The following UTS2B variants were observed in gnomAD, a reference collection of about 807,000 sequenced individuals.
The protein encoded by UTS2B is urotensin-2B.
Under a neutral mutation model 19.2 loss-of-function variants are expected in UTS2B, and 21 were observed. The ratio of observed to expected loss-of-function variants is 1.09; its 90% CI spans 0.78 to 1.58. UTS2B has a LOEUF of 1.58. Ranked by LOEUF, UTS2B falls within the 40% of genes most tolerant of loss-of-function variation. UTS2B has a pLI of 0.00. For missense variants in UTS2B, 138 were observed against 130.3 expected, an observed-to-expected ratio of 1.06 and a Z score of -0.29; for synonymous variants, 57 against 50.2, an observed-to-expected ratio of 1.14 and a Z score of -0.58.
intron 2 of UTS2B, among the ~76,000 whole-genome samples, chr3:191,324,614 G>T (rs1222710722): frequency 6.6e-6 from 1 of 152,162 alleles, no homozygotes; most frequent in East Asian, 1.9e-4. Context: ...CTCCTCATTT[G>T]CCTTCTGCCA....
At chr3:191,276,372 T>C (rs1716236407) in intron 7 of UTS2B, among the ~76,000 whole-genome samples, 1 of 152,190 alleles carries the variant, frequency 6.6e-6, no homozygotes, top group Non-Finnish European at 1.5e-5. Flanking sequence ...TCACACCAGC[T>C]GCTTCAAGCC....
chr3:191,319,197 T>C (rs114641756), intron 2 of UTS2B, among the ~76,000 whole-genome samples: 20 of 152,354 alleles, frequency 1.3e-4, no homozygotes, highest in African/African-American at 4.8e-4. Flanking sequence ...TGCAAACTGC[T>C]ATCATCCTAC....
chr3:191,326,507 A>G (rs753121476), intron 2 of UTS2B, among the ~76,000 whole-genome samples: 1 of 152,236 alleles, frequency 6.6e-6, no homozygotes, highest in South Asian at 2.1e-4. Flanking sequence ...CTAGAAAAAA[A>G]AATCAATTGA....
At chr3:191,333,853 A>G (rs1488401411), upstream of UTS2B, among the ~76,000 whole-genome samples, 1 of 152,184 alleles carries the variant, frequency 6.6e-6, no homozygotes, top group East Asian at 1.9e-4. Context: ...CATTAAATTT[A>G]TAAAAACTTC....
At chr3:191,338,189 T>C in the UTS2B span, among the ~76,000 whole-genome samples, 4 of 152,238 alleles carry the variant, frequency 2.6e-5, no homozygotes, top group Non-Finnish European at 5.9e-5. Flanking sequence ...CTGTTTTGTT[T>C]ATTGACTATG....
chr3:191,315,371 G>C (rs1255074411), intron 3 of UTS2B, among the ~76,000 whole-genome samples: 1 of 152,124 alleles, frequency 6.6e-6, no homozygotes, highest in Non-Finnish European at 1.5e-5. Flanking sequence ...ATTTACACCT[G>C]GTCGCTCAGA....
At position 191,282,329 on chromosome 3, in the gene UTS2B, A is replaced by G. The variant is rs992559872; in HGVS notation, c.-124-16T>C. 1.7e-6 allele frequency: 1 copy of G among 586,328 alleles called. No homozygotes were observed. Among genetic ancestry groups the G allele is most frequent in the African/African-American group, 1.9e-5 (1 of 53,604 alleles). 36.3% of individuals were successfully genotyped at this position (586,328 alleles called of 1,614,324 possible). On this transcript the variant is annotated splice_polypyrimidine_tract_variant and intron_variant, in intron 4 of 8. Coordinates refer to ENST00000340524, the MANE Select transcript of UTS2B (RefSeq NM_198152.5). ...TACGAATGATCTAGATGAAGGAAAA[A>G]GAAAGAAAGAAAATAAATCTATAAA...
At chr3:191,317,506 G>A (rs1389759825) in intron 2 of UTS2B, among the ~76,000 whole-genome samples, 1 of 152,276 alleles carries the variant, frequency 6.6e-6, no homozygotes, top group African/African-American at 2.4e-5. Context: ...TGCCAAGGCC[G>A]AGGAGGCGCT....
intron 2 of UTS2B, among the ~76,000 whole-genome samples, chr3:191,319,489 A>T (rs2108611428): frequency 6.6e-6 from 1 of 152,260 alleles, no homozygotes. Flanking sequence ...TTTTTAACTT[A>T]GTTGCTTCTC....
Position 191,310,270 on chromosome 3 carries a change from AT to A in UTS2B, c.-181-5723del, listed in dbSNP as rs35657398. On this transcript the variant is annotated intron_variant, in intron 3 of 8. Transcript: ENST00000340524. ...CGTAAGCCACCGCACCCAGCCAGGT[AT>A]TTTTTTTTTTTTATAGCAATGTGAG... is the stretch of plus-strand genomic sequence containing the variant. Among the ~76,000 whole-genome samples, 576 of 146,778 alleles carry A rather than the reference AT, an allele frequency of 3.9e-3. 3 individuals are homozygous for A. The highest frequency in any genetic ancestry group is 0.014 in the Middle Eastern group (4 of 280).
At chr3:191,340,835 T>C in the UTS2B span, among the ~76,000 whole-genome samples, 1 of 152,122 alleles carries the variant, frequency 6.6e-6, no homozygotes, top group Non-Finnish European at 1.5e-5. Flanking sequence ...TGCTTCAGAT[T>C]CTATTTCTTT....
At chr3:191,300,474 C>T (rs1181447337) in intron 4 of UTS2B, among the ~76,000 whole-genome samples, 1 of 152,196 alleles carries the variant, frequency 6.6e-6, no homozygotes, top group East Asian at 1.9e-4. Flanking sequence ...AGGCAGAAGG[C>T]ACTAGCTTTG....
chr3:191,293,883 C>T (rs925812880), intron 4 of UTS2B, among the ~76,000 whole-genome samples: 6 of 151,622 alleles, frequency 4.0e-5, no homozygotes, highest in Admixed American at 6.6e-5. Context: ...GGAGTCGGGG[C>T]GGATCTCCTG....
intron 4 of UTS2B, among the ~76,000 whole-genome samples, chr3:191,297,595 T>C (rs1386078427): frequency 2.0e-5 from 3 of 152,226 alleles, no homozygotes; most frequent in Non-Finnish European, 1.5e-5. Flanking sequence ...TATTTGTTAG[T>C]AATTAAGTCA....
At position 191,320,471 on chromosome 3, in the gene UTS2B, T is replaced by TA. The variant is rs1278228307; in HGVS notation, c.-585-4033dup. On this transcript the variant is annotated intron_variant, in intron 2 of 8. Transcript: ENST00000340524. ...TAGACTGAATTCTGAGAAGATGAGA[T>TA]ACCGTCCAAGGTTCATGTACAAATC... Among the ~76,000 whole-genome samples the TA allele has an allele frequency of 3.3e-5, 5 of 152,186 alleles. No homozygotes were observed. In the South Asian group the frequency reaches 6.2e-4, roughly 19 times the overall value.
intron 8 of UTS2B, among the ~76,000 whole-genome samples, chr3:191,269,057 T>A (rs1716018334): frequency 2.0e-5 from 3 of 152,242 alleles, no homozygotes; most frequent in Admixed American, 1.3e-4. Context: ...AATATATAAA[T>A]GAATCATTTT....
Position 191,315,051 on chromosome 3 carries a change from G to A in UTS2B, c.-182+985C>T, listed in dbSNP as rs1429499963. 4.8e-5 allele frequency among the ~76,000 whole-genome samples: 7 copies of A among 145,580 alleles called. No individual in the cohort carries two copies. In the East Asian group the frequency reaches 6.0e-4, roughly 12 times the overall value. ...TTTTGAGATGGAGTTTCACTGTTTC[G>A]TCCAGGCTGGAGTGCAATGGCACAA... On this transcript the variant is annotated intron_variant, in intron 3 of 8. Transcript: ENST00000340524.
chr3:191,311,994 G>GA (rs36028894), intron 3 of UTS2B, among the ~76,000 whole-genome samples: 34,977 of 151,006 alleles, frequency 0.23, 4,280 homozygotes, highest in South Asian at 0.28. Flanking sequence ...CAAAAAAAAA[G>GA]AAAAAAAATT....
chr3:191,276,269 T>C (rs563186489), intron 7 of UTS2B, among the ~76,000 whole-genome samples: 10 of 152,244 alleles, frequency 6.6e-5, no homozygotes, highest in Admixed American at 5.2e-4. Flanking sequence ...AATAGTTCTC[T>C]CTCCCAAAGG....
Sources: allele counts gnomAD v4.1 joint callset (sites outside exome capture counted in the v4.1 genomes callset), GRCh38; gene constraint gnomAD v4.1.1; transcripts MANE v1.5; gene names NCBI Gene and HGNC (gene_info 2026-07-23, HGNC 2026-07-21).